Variants in COL27A1 observed in about 807,000 individuals in gnomAD.
COL27A1 encodes the protein collagen alpha-1(XXVII) chain.
In COL27A1, 106 loss-of-function variants were observed where a neutral mutation model predicts 251.3. The ratio of observed to expected loss-of-function variants is 0.42; its 90% confidence interval spans 0.36 to 0.50. The LOEUF (loss-of-function observed/expected upper bound fraction) is 0.50, where lower values mean the gene tolerates loss of function less well. COL27A1 is among the 20% of genes least tolerant of loss of function. The pLI, the probability that COL27A1 is intolerant of heterozygous loss-of-function variation, is 0.00. For missense variants in COL27A1, 2,325 were observed against 2,522.8 expected (o/e 0.92, Z 1.68); for synonymous variants, 1,000 against 986.3 (o/e 1.01, Z -0.26).
chr9:114,270,055 T>G (rs1835035642), intron 35 of COL27A1, among the ~76,000 whole-genome samples: 1 of 152,192 alleles, frequency 6.6e-6, no homozygotes, highest in Non-Finnish European at 1.5e-5. Flanking sequence ...TTCCCGAGCT[T>G]GCTGGGAAGA....
chr9:114,160,448 C>G (rs1848422048), intron 1 of COL27A1, among the ~76,000 whole-genome samples: 1 of 152,066 alleles, frequency 6.6e-6, no homozygotes, highest in Non-Finnish European at 1.5e-5. Flanking sequence ...AGCCACCGTG[C>G]CCGGCCGTTT....
In COL27A1 at chr9:114,269,718, G is replaced by A. The variant is rs1314022325; in HGVS notation, c.3555+424G>A. On this transcript the variant is annotated intron_variant, in intron 35 of 60. Coordinates refer to ENST00000356083, the MANE Select transcript of COL27A1 (RefSeq NM_032888.4). Reference sequence around the variant, plus strand: ...ACGCATCCTATGCCCACTGTGTGTCGAGCACTTTTCTCGAGGCACAAGGAG... The same window carrying A: ...ACGCATCCTATGCCCACTGTGTGTCAAGCACTTTTCTCGAGGCACAAGGAG... 7.2e-5 allele frequency among the ~76,000 whole-genome samples: 11 copies of A among 151,776 alleles called. No individual in the cohort carries two copies. In the South Asian group the frequency reaches 1.5e-3, roughly 20 times the overall value.
intron 3 of COL27A1, among the ~76,000 whole-genome samples, chr9:114,173,393 G>A (rs1211670912): frequency 2.0e-5 from 3 of 152,234 alleles, no homozygotes; most frequent in South Asian, 2.1e-4. Context: ...AATGCAGGTC[G>A]TCCTGACTCC....
chr9:114,245,148 GTTTTTTTTTTTTTTTTTT>G (rs779029948), intron 23 of COL27A1, among the ~76,000 whole-genome samples: 1 of 101,334 alleles, frequency 9.9e-6, no homozygotes, highest in Non-Finnish European at 2.0e-5. Flanking sequence ...GTGCATTCTT[GTTTTTTTTTTTTTTTTTT>G]TTTTTTTTTT....
chr9:114,253,040 C>T, intron 27 of COL27A1, 108 bp downstream of exon 27: 1 of 855,536 alleles, frequency 1.2e-6, no homozygotes, highest in Non-Finnish European at 1.9e-6. Flanking sequence ...GGAGGCCGAT[C>T]ACTTGAGGCC....
intron 12 of COL27A1, among the ~76,000 whole-genome samples, chr9:114,216,002 G>T (rs1054608608): frequency 6.6e-6 from 1 of 152,186 alleles, no homozygotes; most frequent in Non-Finnish European, 1.5e-5. Flanking sequence ...CACGGTTGGG[G>T]TGGACACTTC....
intron 18 of COL27A1, 24 bp downstream of exon 18, chr9:114,237,058 C>G: frequency 6.3e-7 from 1 of 1,580,610 alleles, no homozygotes; most frequent in Non-Finnish European, 8.6e-7. Flanking sequence ...CCTCCAGCAC[C>G]CCCAAACCTC....
intron 5 of COL27A1, among the ~76,000 whole-genome samples, chr9:114,190,897 G>A (rs1828706239): frequency 6.6e-6 from 1 of 152,238 alleles, no homozygotes; most frequent in African/African-American, 2.4e-5. Flanking sequence ...CTATGAAGGT[G>A]TAAATGGTTA....
rs1834677999 is a variant in COL27A1 at position 114,265,487 on chromosome 9, T to A, written c.3393+12T>A. On this transcript the variant is annotated intron_variant, in intron 32 of 60. Coordinates refer to ENST00000356083, the MANE Select transcript of COL27A1 (RefSeq NM_032888.4). Reference sequence around the variant, plus strand: ...TCCCAGGAGAACCGGTAAGAGCCCTTTCCTTCCCTCTTCTGCTTCTTTGCC... The same window carrying A: ...TCCCAGGAGAACCGGTAAGAGCCCTATCCTTCCCTCTTCTGCTTCTTTGCC... The A allele has an allele frequency of 6.2e-7, 1 of 1,613,328 alleles. No individual in the cohort carries two copies. Among genetic ancestry groups the A allele is most frequent in the African/African-American group, 1.3e-5 (1 of 74,922 alleles).
rs369011505 is a variant in COL27A1 at position 114,209,727 on chromosome 9, G to C, written c.2321G>C (p.Arg774Pro). ...LFGLPGSDGE[R>P]GLPGVPGKRG... ...GGCCTGCCAGGGTCTGATGGAGAAC[G>C]AGTAAGTTTGCTTCTTTGGTTATTC... Residue 774 changes from arginine (R) to proline (P), a missense_variant and splice_region_variant, in exon 11 of 61, where the codon CGA becomes CCA. By Grantham distance (103) the Arg-to-Pro change is moderately radical (BLOSUM62 -2). Coordinates refer to ENST00000356083, the MANE Select transcript of COL27A1 (RefSeq NM_032888.4). 4 of 1,614,098 alleles carry C rather than the reference G, an allele frequency of 2.5e-6. No individual in the cohort carries two copies. Among genetic ancestry groups the C allele is most frequent in the African/African-American group, 1.3e-5 (1 of 75,034 alleles).
chr9:114,237,004 C>T lies in COL27A1; in HGVS notation c.2643C>T (p.Phe881=). 3 of 1,612,072 alleles carry T rather than the reference C, an allele frequency of 1.9e-6. No homozygotes were observed. Among genetic ancestry groups the T allele is most frequent in the Non-Finnish European group, 2.5e-6 (3 of 1,179,070 alleles). ...AGGGGAGCCAGGGGTTGCCAGGGTTCCCCGGTGCACGGGGGAAGCCAGGGC... is the reference window on the plus strand; with the variant it reads ...AGGGGAGCCAGGGGTTGCCAGGGTTTCCCGGTGCACGGGGGAAGCCAGGGC... ...GDKGSQGLPG[F]PGARGKPGPL... is the part of the protein sequence containing the mutation. Residue 881 remains phenylalanine (F), a synonymous_variant, in exon 18 of 61, where the codon TTC becomes TTT. Transcript: ENST00000356083.
chr9:114,289,177 G>GA (rs1259843245), intron 44 of COL27A1, 65 bp from the exon 45 acceptor site: 1 of 1,464,858 alleles, frequency 6.8e-7, no homozygotes, highest in Non-Finnish European at 9.3e-7. Flanking sequence ...TCCAGGCGGA[G>GA]ACTGGCCACC....
chr9:114,226,754 G>T (rs1340236372), intron 14 of COL27A1, among the ~76,000 whole-genome samples: 2 of 152,228 alleles, frequency 1.3e-5, no homozygotes, highest in Non-Finnish European at 1.5e-5. Context: ...CCATCATTAA[G>T]CCACTTTTAC....
intron 7 of COL27A1, among the ~76,000 whole-genome samples, chr9:114,196,386 C>T (rs534554309): frequency 1.3e-4 from 20 of 152,156 alleles, no homozygotes; most frequent in African/African-American, 3.9e-4. Context: ...CGTGGGCCTG[C>T]GAGTCCTGTC....
At chr9:114,300,519 T>C (rs1356912777) in intron 50 of COL27A1, 106 bp from the exon 51 acceptor site, 2 of 880,050 alleles carry the variant, frequency 2.3e-6, no homozygotes, top group African/African-American at 3.5e-5. Context: ...AAGGCCTCTC[T>C]TGACAAGAAG....
At chr9:114,270,951 C>T (rs1033489808) in intron 36 of COL27A1, 170 bp downstream of exon 36, 4 of 611,372 alleles carry the variant, frequency 6.5e-6, no homozygotes, top group Non-Finnish European at 1.2e-5. Context: ...CAGCAGCCAC[C>T]TCCCACCCTG....
chr9:114,252,268 C>G (rs1250854463), intron 25 of COL27A1, among the ~76,000 whole-genome samples: 1 of 152,146 alleles, frequency 6.6e-6, no homozygotes, highest in African/African-American at 2.4e-5. Flanking sequence ...TAATAAGGAC[C>G]AACATGATGT....
intron 4 of COL27A1, among the ~76,000 whole-genome samples, chr9:114,181,188 G>A (rs903588789): frequency 6.6e-6 from 1 of 152,154 alleles, no homozygotes; most frequent in Non-Finnish European, 1.5e-5. Context: ...TATGAGGTGG[G>A]GCTCAGAATT....
intron 49 of COL27A1, among the ~76,000 whole-genome samples, chr9:114,294,082 CAAAA>C (rs57583693): frequency 4.8e-4 from 66 of 136,792 alleles, no homozygotes; most frequent in South Asian, 6.7e-4. Flanking sequence ...ACTAACAATA[CAAAA>C]AAAAAAAAAA....
Sources: allele counts gnomAD v4.1 joint callset (sites outside exome capture counted in the v4.1 genomes callset), GRCh38; gene constraint gnomAD v4.1.1; transcripts MANE v1.5; gene names NCBI Gene and HGNC (gene_info 2026-07-23, HGNC 2026-07-21).